Variants in RPS6KC1 observed in about 807,000 individuals in gnomAD.
RPS6KC1 encodes the protein ribosomal protein S6 kinase C1, also known as inactive ribosomal protein S6 kinase delta-1.
In RPS6KC1, 54 loss-of-function variants were observed where a neutral mutation model predicts 103.8. The observed-to-expected ratio is 0.52, with a 90% CI of 0.42 to 0.65. The LOEUF (loss-of-function observed/expected upper bound fraction) is 0.65, where lower values mean the gene tolerates loss of function less well. Among genes scored for constraint, RPS6KC1 ranks in the 30% least tolerant of loss-of-function variants. RPS6KC1 has a pLI of 0.00. For synonymous variants in RPS6KC1, 439 were observed against 438.7 expected (o/e 1.00, Z -0.01); for missense variants, 1,151 against 1,253.8 (o/e 0.92, Z 1.24).
the RPS6KC1 span, among the ~76,000 whole-genome samples, chr1:213,747,462 G>T: frequency 6.6e-6 from 1 of 152,166 alleles, no homozygotes; most frequent in South Asian, 2.1e-4. Context: ...CTGCAAAGGA[G>T]ATCAAAGAGT....
chr1:213,062,468 T>G (rs750211410), intron 1 of RPS6KC1, among the ~76,000 whole-genome samples: 4 of 152,204 alleles, frequency 2.6e-5, no homozygotes, highest in Non-Finnish European at 4.4e-5. Flanking sequence ...TTTGTTAATC[T>G]TAACAAAAAA....
At chr1:213,387,836 T>G in the RPS6KC1 span, among the ~76,000 whole-genome samples, 1 of 152,204 alleles carries the variant, frequency 6.6e-6, no homozygotes, top group Non-Finnish European at 1.5e-5. Context: ...GACATGGATG[T>G]TTTTGGTGGC....
the RPS6KC1 span, among the ~76,000 whole-genome samples, chr1:213,446,101 T>A: frequency 7.2e-3 from 1,094 of 152,300 alleles, 4 homozygotes; most frequent in Non-Finnish European, 0.01. Flanking sequence ...AAATGAGTAT[T>A]GGTCCAAACT....
chr1:213,344,355 T>C, the RPS6KC1 span, among the ~76,000 whole-genome samples: 1 of 152,350 alleles, frequency 6.6e-6, no homozygotes, highest in East Asian at 1.9e-4. Context: ...AATGTGTATT[T>C]CTTCTCAAAA....
the RPS6KC1 span, among the ~76,000 whole-genome samples, chr1:213,332,412 T>C: frequency 1.3e-5 from 2 of 152,214 alleles, no homozygotes; most frequent in Non-Finnish European, 2.9e-5. Flanking sequence ...TCCAATCAAA[T>C]GGCAGTGGAG....
At chr1:213,507,390 T>C in the RPS6KC1 span, among the ~76,000 whole-genome samples, 796 of 152,200 alleles carry the variant, frequency 5.2e-3, 13 homozygotes, top group African/African-American at 0.018. Flanking sequence ...TTAGGCCTCT[T>C]GCAGTTGACC....
At chr1:213,389,449 G>A in the RPS6KC1 span, among the ~76,000 whole-genome samples, 1 of 152,244 alleles carries the variant, frequency 6.6e-6, no homozygotes, top group African/African-American at 2.4e-5. Context: ...GAGTCTGCGG[G>A]CTTGCGGCGG....
At position 213,240,800 on chromosome 1, in the gene RPS6KC1, C is replaced by G; in HGVS notation, c.1324C>G (p.His442Asp). 6.2e-7 allele frequency: 1 copy of G among 1,613,920 alleles called. No individual in the cohort carries two copies. The highest frequency in any genetic ancestry group is 1.7e-5 in the Admixed American group (1 of 59,970). The change falls in exon 11 of 15, where the codon CAC becomes GAC. Residue 442 changes from histidine to aspartate, a missense_variant. His to Asp is a moderately conservative substitution (Grantham distance 81, BLOSUM62 -1). Transcript: ENST00000366960. ...EVKKPTLAKV[H>D]LQQPTSSPQD... ...GAAAAAACCTACACTTGCAAAAGTT[C>G]ACCTGCAGCAGCCAACTTCTAGTCC...
At chr1:213,152,059 C>T (rs1453073797) in intron 6 of RPS6KC1, among the ~76,000 whole-genome samples, 16 of 142,510 alleles carry the variant, frequency 1.1e-4, no homozygotes, top group Non-Finnish European at 2.3e-4. Flanking sequence ...GGGGGGCTAA[C>T]CCCCCCACCT....
the RPS6KC1 span, among the ~76,000 whole-genome samples, chr1:213,809,626 A>G: frequency 6.6e-6 from 1 of 152,246 alleles, no homozygotes; most frequent in Admixed American, 6.5e-5. Flanking sequence ...TTCATTTTCA[A>G]GAAACTAAAC....
chr1:213,248,585 G>A (rs2094494128), intron 12 of RPS6KC1, among the ~76,000 whole-genome samples: 1 of 152,080 alleles, frequency 6.6e-6, no homozygotes, highest in South Asian at 2.1e-4. Context: ...AGCAAAAAAG[G>A]CCTCAAGTTA....
chr1:213,628,293 CTATT>C, the RPS6KC1 span, among the ~76,000 whole-genome samples: 1 of 152,054 alleles, frequency 6.6e-6, no homozygotes, highest in Admixed American at 6.6e-5. Flanking sequence ...TTTATTGCAT[CTATT>C]TAATTCTTCT....
the RPS6KC1 span, among the ~76,000 whole-genome samples, chr1:213,286,729 G>T: frequency 3.3e-5 from 5 of 152,202 alleles, no homozygotes; most frequent in African/African-American, 1.2e-4. Flanking sequence ...GTCTTCAATG[G>T]ATGGATACAG....
the RPS6KC1 span, among the ~76,000 whole-genome samples, chr1:213,846,383 C>G: frequency 1.8e-4 from 27 of 152,138 alleles, no homozygotes; most frequent in Admixed American, 4.6e-4. Flanking sequence ...CCAATGCGCT[C>G]CCCACTAACA....
chr1:213,369,449 G>A, the RPS6KC1 span, among the ~76,000 whole-genome samples: 1 of 152,236 alleles, frequency 6.6e-6, no homozygotes, highest in African/African-American at 2.4e-5. Context: ...CCTGGGGGTG[G>A]GAAGGGCACT....
the RPS6KC1 span, among the ~76,000 whole-genome samples, chr1:213,545,934 T>C: frequency 2.0e-4 from 30 of 152,274 alleles, no homozygotes; most frequent in African/African-American, 7.0e-4. Flanking sequence ...TTGATCCCAG[T>C]GAACCCTTCT....
chr1:213,068,008 A>G (rs2078481573), intron 1 of RPS6KC1, among the ~76,000 whole-genome samples: 1 of 152,232 alleles, frequency 6.6e-6, no homozygotes, highest in African/African-American at 2.4e-5. Context: ...GATTATTTAA[A>G]ATACTTAAGA....
At chr1:213,749,165 T>C in the RPS6KC1 span, among the ~76,000 whole-genome samples, 1 of 152,134 alleles carries the variant, frequency 6.6e-6, no homozygotes, top group Non-Finnish European at 1.5e-5. Context: ...ACTGAGCCCA[T>C]GGAAAGCATT....
the RPS6KC1 span, among the ~76,000 whole-genome samples, chr1:213,612,445 G>T: frequency 3.3e-5 from 5 of 152,220 alleles, no homozygotes; most frequent in Non-Finnish European, 4.4e-5. Context: ...GAAGGCCCAA[G>T]TATAGTCTCA....
Sources: allele counts gnomAD v4.1 joint callset (sites outside exome capture counted in the v4.1 genomes callset), GRCh38; gene constraint gnomAD v4.1.1; transcripts MANE v1.5; gene names NCBI Gene and HGNC (gene_info 2026-07-23, HGNC 2026-07-21).